RBFOX1: variants seen among roughly 807,000 people sequenced by gnomAD.
The protein encoded by RBFOX1 is RNA binding fox-1 homolog 1, also known as RNA binding protein fox-1 homolog 1.
RBFOX1 carries 8 observed loss-of-function variants against 57.7 expected under a neutral mutation model. That is an observed-to-expected ratio of 0.14 (90% confidence interval 0.08 to 0.25). The LOEUF (loss-of-function observed/expected upper bound fraction) is 0.25. Ranked by LOEUF, RBFOX1 falls within the 10% of genes least tolerant of loss-of-function variation. The pLI, the probability that RBFOX1 is intolerant of heterozygous loss-of-function variation, is 1.00. For missense variants in RBFOX1, 611 were observed against 548.5 expected, an observed-to-expected ratio of 1.11 and a Z score of -1.14; for synonymous variants, 326 against 222.4, an observed-to-expected ratio of 1.47 and a Z score of -4.15.
chr16:6,847,346 C>G (rs1203101595), intron 3 of RBFOX1, among the ~76,000 whole-genome samples: 1 of 152,136 alleles, frequency 6.6e-6, no homozygotes, highest in African/African-American at 2.4e-5. Flanking sequence ...TGTGTCCTCA[C>G]AACTGCAAGG....
chr16:5,528,487 A>G (rs1215328675), intron 2 of RBFOX1, among the ~76,000 whole-genome samples: 1 of 151,442 alleles, frequency 6.6e-6, no homozygotes, highest in Non-Finnish European at 1.5e-5. Context: ...GCCTAAAGCG[A>G]CAATGGCATT....
chr16:7,695,948 G>T (rs2078676286), intron 14 of RBFOX1, among the ~76,000 whole-genome samples: 1 of 152,188 alleles, frequency 6.6e-6, no homozygotes, highest in African/African-American at 2.4e-5. Context: ...AGCATAGGCA[G>T]CCATCAGGGG....
Position 6,019,073 on chromosome 16 carries a change from T to TCACA in RBFOX1, c.-1037_-1034dup, listed in dbSNP as rs747337918. On this transcript the variant is annotated 5_prime_UTR_variant, in exon 1 of 16. Coordinates refer to ENST00000550418, the MANE Select transcript of RBFOX1 (RefSeq NM_018723.4). The surrounding 1 kb of genome is among the most constrained non-coding windows in gnomAD (Gnocchi z 4.2). ...GGGCTGCTCGCTGCTTGTCGCGCGC[T>TCACA]CACACACACACAGACACACACGCAC... The TCACA allele has an allele frequency of 1.0e-4, 100 of 979,296 alleles. No individual in the cohort carries two copies. Among genetic ancestry groups the TCACA allele is most frequent in the Non-Finnish European group, 1.2e-4 (98 of 825,456 alleles). 60.7% of individuals were successfully genotyped at this position (979,296 alleles called of 1,614,324 possible).
At chr16:6,070,314 G>A (rs1437639882) in intron 1 of RBFOX1, among the ~76,000 whole-genome samples, 1 of 152,100 alleles carries the variant, frequency 6.6e-6, no homozygotes, top group African/African-American at 2.4e-5. Flanking sequence ...TAATAATTAG[G>A]GTTGTTATTA....
chr16:7,143,308 C>T (rs969420863), intron 4 of RBFOX1, among the ~76,000 whole-genome samples: 1 of 152,104 alleles, frequency 6.6e-6, no homozygotes, highest in African/African-American at 2.4e-5. Context: ...AGCCCTCCTC[C>T]ACCGCATTCC....
At chr16:5,960,262 C>T (rs2059722474) in intron 4 of RBFOX1, among the ~76,000 whole-genome samples, 1 of 152,124 alleles carries the variant, frequency 6.6e-6, no homozygotes, top group Non-Finnish European at 1.5e-5. Flanking sequence ...GCCCTTTTAT[C>T]TATATTATTT....
chr16:5,908,070 G>GTGTGTGTGTGTGTATA (rs531475482), intron 4 of RBFOX1, among the ~76,000 whole-genome samples: 10 of 129,056 alleles, frequency 7.7e-5, no homozygotes, highest in African/African-American at 3.0e-4. Flanking sequence ...ATGTGTGTAT[G>GTGTGTGTGTGTGTATA]TATATATATA....
At chr16:5,546,980 C>T (rs1580473) in intron 2 of RBFOX1, among the ~76,000 whole-genome samples, 100,809 of 151,706 alleles carry the variant, frequency 0.66, 34,814 homozygotes, top group East Asian at 0.99. Context: ...ATATACATGG[C>T]AAATAATCAC....
chr16:6,861,057 A>G lies in RBFOX1; in HGVS notation c.-15-191000A>G, dbSNP rs577806919. Among the ~76,000 whole-genome samples the G allele has an allele frequency of 1.6e-4, 25 of 152,276 alleles. No homozygotes were observed. The South Asian group carries it at 3.7e-3, about 23-fold the overall frequency. ...AGTAGGGGAGCGGTTGTAATCTGCG[A>G]GAGTGACTGACAAGGATTCCATTAT... On this transcript the variant is annotated intron_variant, in intron 3 of 15. Coordinates refer to ENST00000550418, the MANE Select transcript of RBFOX1 (RefSeq NM_018723.4).
chr16:5,594,969 TAAAAAAAAAAAA>T (rs34885484), intron 2 of RBFOX1, among the ~76,000 whole-genome samples: 1 of 90,480 alleles, frequency 1.1e-5, no homozygotes, highest in Non-Finnish European at 2.1e-5. Context: ...CTGTCTCTAC[TAAAAAAAAAAAA>T]AAAAAAAAAA....
At chr16:6,527,455 A>C (rs1263132128) in intron 2 of RBFOX1, among the ~76,000 whole-genome samples, 1 of 152,134 alleles carries the variant, frequency 6.6e-6, no homozygotes, top group Non-Finnish European at 1.5e-5. Flanking sequence ...CTATGTTGCC[A>C]GCCTGTGAAA....
chr16:5,985,214 G>A (rs112954313), intron 4 of RBFOX1, among the ~76,000 whole-genome samples: 180 of 151,184 alleles, frequency 1.2e-3, no homozygotes, highest in African/African-American at 4.2e-3. Context: ...GGATGGTCTC[G>A]ATCTCCTGAC....
intron 4 of RBFOX1, among the ~76,000 whole-genome samples, chr16:5,902,491 C>G (rs536106068): frequency 6.6e-6 from 1 of 152,166 alleles, no homozygotes; most frequent in Non-Finnish European, 1.5e-5. Flanking sequence ...TTGGCTTACT[C>G]TGCAGCCACC....
intron 3 of RBFOX1, among the ~76,000 whole-genome samples, chr16:5,691,660 G>A (rs1481557718): frequency 3.9e-5 from 6 of 152,320 alleles, no homozygotes; most frequent in South Asian, 2.1e-4. Flanking sequence ...TCATGTTGGT[G>A]CTCAAGGAGT....
intron 3 of RBFOX1, among the ~76,000 whole-genome samples, chr16:6,823,005 C>G (rs74615413): frequency 1.3e-5 from 2 of 151,920 alleles, no homozygotes; most frequent in South Asian, 2.1e-4. Context: ...AGATACTTTG[C>G]TTAGTACTGT....
chr16:5,868,184 G>A (rs1450617339), intron 4 of RBFOX1, among the ~76,000 whole-genome samples: 1 of 152,180 alleles, frequency 6.6e-6, no homozygotes, highest in African/African-American at 2.4e-5. Context: ...TGCCCAGCAC[G>A]ATAGAGCCGG....
chr16:6,927,055 C>G (rs894844979), intron 3 of RBFOX1, among the ~76,000 whole-genome samples: 11 of 152,074 alleles, frequency 7.2e-5, no homozygotes, highest in African/African-American at 1.9e-4. Flanking sequence ...AATCCACCCA[C>G]CATTTTTCTT....
At chr16:7,326,121 A>G (rs746327591) in intron 4 of RBFOX1, among the ~76,000 whole-genome samples, 28 of 152,198 alleles carry the variant, frequency 1.8e-4, no homozygotes, top group Non-Finnish European at 2.9e-4. Context: ...TCCCACAGGT[A>G]ACAGATCATT....
chr16:6,445,743 C>T (rs1444365191), intron 2 of RBFOX1, among the ~76,000 whole-genome samples: 1 of 151,888 alleles, frequency 6.6e-6, no homozygotes, highest in Non-Finnish European at 1.5e-5. Flanking sequence ...CCACCATGCC[C>T]AGTTAATTTT....
Sources: gnomAD v4.1 joint callset for allele counts (sites outside exome capture counted in the v4.1 genomes callset) on GRCh38, gnomAD v4.1.1 for gene constraint, Gnocchi (gnomAD v3.1) non-coding constraint, MANE v1.5 for transcripts, NCBI Gene and HGNC (gene_info 2026-07-23, HGNC 2026-07-21) for gene names.